The following NRG1 variants were observed in gnomAD, a reference collection of about 807,000 sequenced individuals.
NRG1 encodes the protein neuregulin 1, also known as pro-neuregulin-1, membrane-bound isoform.
Under a neutral mutation model 63.8 loss-of-function variants are expected in NRG1, and 18 were observed. The ratio of observed to expected loss-of-function variants is 0.28; its 90% confidence interval spans 0.19 to 0.42. The LOEUF (loss-of-function observed/expected upper bound fraction) is 0.42, where lower values mean the gene tolerates loss of function less well. NRG1 is among the 10% of genes least tolerant of loss of function. The pLI is 1.00. For missense variants in NRG1, 762 were observed against 814.7 expected (o/e 0.94, Z 0.79); for synonymous variants, 302 against 301.3 (o/e 1.00, Z -0.02).
chr8:32,444,030 CTT>C (rs1819917984), intron 1 of NRG1, among the ~76,000 whole-genome samples: 1 of 73,880 alleles, frequency 1.4e-5, no homozygotes, highest in Non-Finnish European at 3.4e-5. Flanking sequence ...CTTTCTTTTC[CTT>C]CCTTCCTTCC....
chr8:32,725,464 A>ATTTTTTTTTTTTTTTTTTTTTTTTTT (rs71209904), intron 5 of NRG1, among the ~76,000 whole-genome samples: 2 of 67,540 alleles, frequency 3.0e-5, no homozygotes, highest in African/African-American at 1.1e-4. Flanking sequence ...AAACTTCCTA[A>ATTTTTTTTTTTTTTTTTTTTTTTTTT]TTTTTTTTTT....
chr8:32,743,153 T>C (rs1026701656), intron 7 of NRG1: 1 of 989,920 alleles, frequency 1.0e-6, no homozygotes, highest in Non-Finnish European at 1.2e-6. Flanking sequence ...GTAACCGATA[T>C]GCACTTGAAA....
intron 1 of NRG1, among the ~76,000 whole-genome samples, chr8:31,885,873 G>A (rs1215885587): frequency 6.6e-6 from 1 of 152,026 alleles, no homozygotes; most frequent in African/African-American, 2.4e-5. Flanking sequence ...TCTTAAAATA[G>A]GGTTATTAAT....
intron 7 of NRG1, chr8:32,749,649 C>T (rs1215986477): frequency 2.0e-6 from 3 of 1,506,366 alleles, no homozygotes; most frequent in Non-Finnish European, 2.7e-6. Flanking sequence ...AAATCTTTTT[C>T]CCTTCCTACT....
intron 1 of NRG1, among the ~76,000 whole-genome samples, chr8:31,917,611 T>G (rs1297573408): frequency 6.6e-6 from 1 of 152,154 alleles, no homozygotes; most frequent in Non-Finnish European, 1.5e-5. Context: ...TACTGTAGCC[T>G]TGTAGTATAG....
chr8:32,355,773 T>A (rs1282394101), intron 1 of NRG1, among the ~76,000 whole-genome samples: 1 of 152,152 alleles, frequency 6.6e-6, no homozygotes, highest in Admixed American at 6.5e-5. Flanking sequence ...TAATCTTTTG[T>A]TTTTCCATAT....
At chr8:31,989,916 G>T (rs968724555) in intron 1 of NRG1, among the ~76,000 whole-genome samples, 7 of 152,162 alleles carry the variant, frequency 4.6e-5, no homozygotes, top group Admixed American at 2.6e-4. Context: ...CGTCTCAAAG[G>T]CATTATGTCT....
At chr8:31,894,392 G>A (rs569932659) in intron 1 of NRG1, among the ~76,000 whole-genome samples, 1 of 152,164 alleles carries the variant, frequency 6.6e-6, no homozygotes, top group African/African-American at 2.4e-5. Flanking sequence ...TTATGTCTTT[G>A]AAGTGTTTCT....
intron 5 of NRG1, chr8:32,648,520 C>A: frequency 7.6e-7 from 1 of 1,316,068 alleles, no homozygotes; most frequent in South Asian, 1.6e-5. Flanking sequence ...GTTTGAGATG[C>A]TTGGGATGGC....
chr8:31,874,565 T>C (rs1183984288), intron 1 of NRG1, among the ~76,000 whole-genome samples: 1 of 152,216 alleles, frequency 6.6e-6, no homozygotes, highest in Admixed American at 6.5e-5. Context: ...GAATGAGGTC[T>C]CCATCCCTTC....
chr8:32,256,019 A>G (rs898754056), intron 1 of NRG1, among the ~76,000 whole-genome samples: 1 of 152,110 alleles, frequency 6.6e-6, no homozygotes, highest in African/African-American at 2.4e-5. Flanking sequence ...ATACTTGTGT[A>G]TGCTTCGCAA....
At chr8:31,719,272 G>A (rs1812670005) in intron 1 of NRG1, among the ~76,000 whole-genome samples, 1 of 152,064 alleles carries the variant, frequency 6.6e-6, no homozygotes, top group African/African-American at 2.4e-5. Flanking sequence ...TTTCCTATCA[G>A]CCAGAGAAAT....
At chr8:31,804,815 A>G (rs760340948) in intron 1 of NRG1, among the ~76,000 whole-genome samples, 2 of 152,222 alleles carry the variant, frequency 1.3e-5, no homozygotes, top group Non-Finnish European at 2.9e-5. Flanking sequence ...ACATCTAAAA[A>G]ATGCCTTCAT....
chr8:32,397,099 G>A (rs779277529), intron 1 of NRG1, among the ~76,000 whole-genome samples: 4 of 152,126 alleles, frequency 2.6e-5, no homozygotes, highest in South Asian at 2.1e-4. Flanking sequence ...TGGATAAATA[G>A]GTAGGTAGGC....
intron 5 of NRG1, among the ~76,000 whole-genome samples, chr8:32,714,081 T>G (rs1474725547): frequency 2.6e-5 from 4 of 152,132 alleles, no homozygotes; most frequent in Admixed American, 6.6e-5. Flanking sequence ...GACCTCGGCC[T>G]CCCAAAGTGC....
intron 1 of NRG1, among the ~76,000 whole-genome samples, chr8:32,058,767 A>G (rs1179491858): frequency 6.6e-6 from 1 of 151,986 alleles, no homozygotes; most frequent in Non-Finnish European, 1.5e-5. Flanking sequence ...GCTTTAAGTA[A>G]AACACGTAAA....
chr8:32,612,058 A>C (rs1846459153), intron 3 of NRG1, among the ~76,000 whole-genome samples: 1 of 152,210 alleles, frequency 6.6e-6, no homozygotes, highest in Non-Finnish European at 1.5e-5. Flanking sequence ...GTTCAGCATA[A>C]GTTGCTCAGC....
intron 1 of NRG1, among the ~76,000 whole-genome samples, chr8:31,986,151 C>T (rs1263610361): frequency 6.6e-6 from 1 of 151,976 alleles, no homozygotes; most frequent in Non-Finnish European, 1.5e-5. Context: ...TCATTTAGCC[C>T]CTCATAATAT....
At chr8:31,774,312 C>G (rs1354674967) in intron 1 of NRG1, among the ~76,000 whole-genome samples, 1 of 152,070 alleles carries the variant, frequency 6.6e-6, no homozygotes, top group Admixed American at 6.6e-5. Context: ...ATTCTCTATC[C>G]CTTACCATGC....
Sources: allele counts gnomAD v4.1 joint callset (sites outside exome capture counted in the v4.1 genomes callset), GRCh38; gene constraint gnomAD v4.1.1; transcripts MANE v1.5; gene names NCBI Gene and HGNC (gene_info 2026-07-23, HGNC 2026-07-21).